The following CNTN5 variants were observed in gnomAD, a reference collection of about 807,000 sequenced individuals.
The protein encoded by CNTN5 is contactin-5.
Under a neutral mutation model 129.1 loss-of-function variants are expected in CNTN5, and 77 were observed. That is an observed-to-expected ratio of 0.60 (90% CI 0.50 to 0.72). The LOEUF (loss-of-function observed/expected upper bound fraction) is 0.72, where lower values mean the gene tolerates loss of function less well. CNTN5 is among the 30% of genes least tolerant of loss of function. CNTN5 has a pLI of 0.00. For synonymous variants in CNTN5, 509 were observed against 465.6 expected (o/e 1.09, Z -1.20); for missense variants, 1,478 against 1,328.8 (o/e 1.11, Z -1.75).
intron 3 of CNTN5, among the ~76,000 whole-genome samples, chr11:99,592,867 G>A (rs889799656): frequency 9.2e-5 from 14 of 152,104 alleles, no homozygotes; most frequent in African/African-American, 2.9e-4. Flanking sequence ...TGGTGGGTTG[G>A]ACAAGCATGG....
At chr11:100,097,589 A>C (rs1251490545) in intron 13 of CNTN5, among the ~76,000 whole-genome samples, 1 of 152,132 alleles carries the variant, frequency 6.6e-6, no homozygotes, top group Non-Finnish European at 1.5e-5. Flanking sequence ...AGGCAAATGA[A>C]TAATGTGATG....
chr11:99,772,928 G>T (rs1461707071), intron 3 of CNTN5, among the ~76,000 whole-genome samples: 1 of 152,006 alleles, frequency 6.6e-6, no homozygotes, highest in African/African-American at 2.4e-5. Context: ...TATTGTCTAA[G>T]TCAGAATTTT....
At chr11:99,617,698 G>C (rs1950804550) in intron 3 of CNTN5, among the ~76,000 whole-genome samples, 1 of 151,892 alleles carries the variant, frequency 6.6e-6, no homozygotes. Flanking sequence ...TTATCCATTG[G>C]GGAGACAGAA....
At chr11:99,847,604 A>C (rs960925653) in intron 6 of CNTN5, among the ~76,000 whole-genome samples, 1 of 152,192 alleles carries the variant, frequency 6.6e-6, no homozygotes, top group African/African-American at 2.4e-5. Context: ...ATTCTGCCTC[A>C]AAATTGTTTC....
intron 21 of CNTN5, chr11:100,309,589 G>C: frequency 1.0e-6 from 1 of 983,200 alleles, no homozygotes; most frequent in South Asian, 4.7e-5. Flanking sequence ...GAATATTTCT[G>C]TTTCTCCCAA....
chr11:99,379,784 T>C (rs1420639781), intron 2 of CNTN5, among the ~76,000 whole-genome samples: 7 of 152,160 alleles, frequency 4.6e-5, no homozygotes, highest in Non-Finnish European at 1.0e-4. Flanking sequence ...ACAGAATCTC[T>C]TGCAAAGCTG....
At chr11:99,930,155 C>T (rs748661032) in intron 7 of CNTN5, among the ~76,000 whole-genome samples, 12 of 152,062 alleles carry the variant, frequency 7.9e-5, no homozygotes, top group Non-Finnish European at 1.2e-4. Flanking sequence ...AGGTTATCTG[C>T]GTGCTCTCTT....
At chr11:99,441,812 C>T (rs1332508921) in intron 2 of CNTN5, among the ~76,000 whole-genome samples, 2 of 151,790 alleles carry the variant, frequency 1.3e-5, no homozygotes, top group Non-Finnish European at 2.9e-5. Flanking sequence ...TTTTTAAATG[C>T]ATTGTTATGA....
chr11:99,021,343 T>G (rs1448151604), intron 1 of CNTN5, 73 bp downstream of exon 1: 2 of 152,150 alleles, frequency 1.3e-5, no homozygotes, highest in Non-Finnish European at 1.5e-5. Context: ...CCACTTAGGA[T>G]TTTTGACACA....
intron 13 of CNTN5, among the ~76,000 whole-genome samples, chr11:100,110,601 C>A (rs990658352): frequency 6.6e-6 from 1 of 152,072 alleles, no homozygotes; most frequent in Non-Finnish European, 1.5e-5. Flanking sequence ...GAATAAGGTA[C>A]CCTTTATCTA....
In CNTN5 at chr11:99,440,827, G is replaced by T. The variant is rs1943797580; in HGVS notation, c.-70-115318G>T. On this transcript the variant is annotated intron_variant, in intron 2 of 24. Transcript: ENST00000524871. ...TCTGTTGGTGAAAATGTAATCCCGT[G>T]ATCATCACACTAAATTGCAAGGGAA... Among the ~76,000 whole-genome samples, 3 of 152,168 alleles carry T rather than the reference G, an allele frequency of 2.0e-5. No individual in the cohort carries two copies. In the South Asian group the frequency reaches 6.2e-4, roughly 31 times the overall value.
In CNTN5 at chr11:99,916,157, A is replaced by G. The variant is rs1371001348; in HGVS notation, c.673+8A>G. ...CTCCGCCACATTCACCAGGTACAGT[A>G]GGATCTCATTCTTTGCTGCTGCTGC... On this transcript the variant is annotated splice_region_variant and intron_variant, in intron 7 of 24. Coordinates refer to ENST00000524871, the MANE Select transcript of CNTN5 (RefSeq NM_014361.4). The G allele has an allele frequency of 3.7e-6, 6 of 1,606,080 alleles. No homozygotes were observed. Among genetic ancestry groups the G allele is most frequent in the Non-Finnish European group, 5.1e-6 (6 of 1,174,516 alleles).
At chr11:100,070,360 T>G in intron 10 of CNTN5, 64 bp from the exon 11 acceptor site, 1 of 1,500,604 alleles carries the variant, frequency 6.7e-7, no homozygotes, top group Non-Finnish European at 9.0e-7. Flanking sequence ...TCCATGTAAA[T>G]TTTAAACTTG....
At chr11:99,085,268 A>G (rs1865961580) in intron 1 of CNTN5, among the ~76,000 whole-genome samples, 1 of 152,008 alleles carries the variant, frequency 6.6e-6, no homozygotes, top group Non-Finnish European at 1.5e-5. Flanking sequence ...GTGGTTCTCG[A>G]ACTCCTGACC....
At chr11:99,963,675 T>A (rs1351012014) in intron 8 of CNTN5, among the ~76,000 whole-genome samples, 1 of 152,184 alleles carries the variant, frequency 6.6e-6, no homozygotes, top group African/African-American at 2.4e-5. Context: ...TTTAAAGTAG[T>A]TTTTTCCAAT....
At chr11:100,185,648 A>C (rs961450990) in intron 13 of CNTN5, among the ~76,000 whole-genome samples, 2 of 152,166 alleles carry the variant, frequency 1.3e-5, no homozygotes, top group African/African-American at 2.4e-5. Flanking sequence ...CTCAATTTAA[A>C]TGTATTTGAG....
rs377405737 is a variant in CNTN5, at chr11:100,162,869, A to G, written c.1581-28257A>G. 3.9e-5 allele frequency among the ~76,000 whole-genome samples: 6 copies of G among 151,932 alleles called. No individual in the cohort carries two copies. The East Asian group carries it at 9.7e-4, about 25-fold the overall frequency. ...GTAATATTTCACCTTTCATCAGAAG[A>G]GAAAGATAGATGGTACTTAACCTGC... On this transcript the variant is annotated intron_variant, in intron 13 of 24. Coordinates refer to ENST00000524871, the MANE Select transcript of CNTN5 (RefSeq NM_014361.4).
At chr11:99,303,820 T>C (rs185817367) in intron 1 of CNTN5, among the ~76,000 whole-genome samples, 17 of 152,222 alleles carry the variant, frequency 1.1e-4, no homozygotes, top group African/African-American at 3.8e-4. Context: ...TCAGTACTTA[T>C]GTTGAGGACA....
At chr11:99,791,897 C>G (rs1565537507) in intron 3 of CNTN5, among the ~76,000 whole-genome samples, 1 of 152,082 alleles carries the variant, frequency 6.6e-6, no homozygotes, top group Non-Finnish European at 1.5e-5. Flanking sequence ...CTTGTTTTGG[C>G]TCTCAGATTG....
Sources: gnomAD v4.1 joint callset for allele counts (sites outside exome capture counted in the v4.1 genomes callset) on GRCh38, gnomAD v4.1.1 for gene constraint, MANE v1.5 for transcripts, NCBI Gene and HGNC (gene_info 2026-07-23, HGNC 2026-07-21) for gene names.